HIRA: variants seen among roughly 807,000 people sequenced by gnomAD.
HIRA encodes histone cell cycle regulator.
Under a neutral mutation model 126.6 loss-of-function variants are expected in HIRA, and 13 were observed. The ratio of observed to expected loss-of-function variants is 0.10; its 90% CI spans 0.07 to 0.16. The LOEUF (loss-of-function observed/expected upper bound fraction) is 0.16. Among genes scored for constraint, HIRA ranks in the 10% least tolerant of loss-of-function variants. The pLI is 1.00. For missense variants in HIRA, 834 were observed against 1,314.4 expected (o/e 0.63, Z 5.65); for synonymous variants, 511 against 520.0 (o/e 0.98, Z 0.24).
intron 2 of HIRA, 135 bp downstream of exon 2, chr22:19,410,581 T>C: frequency 1.4e-6 from 1 of 701,558 alleles, no homozygotes. Flanking sequence ...TAACACATTA[T>C]AACTGTACAT....
At chr22:19,376,701 G>A (rs1569300230) in intron 14 of HIRA, among the ~76,000 whole-genome samples, 1 of 152,218 alleles carries the variant, frequency 6.6e-6, no homozygotes, top group African/African-American at 2.4e-5. Context: ...GTGACCTAAT[G>A]TTTGGGCATG....
intron 15 of HIRA, among the ~76,000 whole-genome samples, chr22:19,369,804 C>A (rs940536930): frequency 2.0e-5 from 3 of 152,102 alleles, no homozygotes; most frequent in African/African-American, 7.2e-5. Context: ...TCATGGCATA[C>A]ACCTGTAATC....
chr22:19,369,195 C>T (rs746807511), intron 15 of HIRA, among the ~76,000 whole-genome samples: 3 of 152,132 alleles, frequency 2.0e-5, no homozygotes, highest in Non-Finnish European at 4.4e-5. Flanking sequence ...GTGCTTCTGC[C>T]TGACACCTGG....
intron 11 of HIRA, 104 bp from the exon 12 acceptor site, chr22:19,385,840 G>A: frequency 8.8e-7 from 1 of 1,130,032 alleles, no homozygotes; most frequent in Non-Finnish European, 1.3e-6. Flanking sequence ...GCTCTGAGTG[G>A]AGAAGGGACC....
intron 13 of HIRA, among the ~76,000 whole-genome samples, chr22:19,383,393 G>A (rs997721369): frequency 6.6e-6 from 1 of 152,168 alleles, no homozygotes; most frequent in African/African-American, 2.4e-5. Context: ...AGATGTGCTG[G>A]CCGCCTTAGC....
At position 19,359,497 on chromosome 22, in the gene HIRA, AAC is replaced by A. The variant is rs2088844514; in HGVS notation, c.2086-15_2086-14del. ...GATCGGAGCTGACCTGGATGAAGTA[AAC>A]ACACGGGTCTGCTCAGACAAGGGCC... is the stretch of plus-strand genomic sequence containing the variant. On this transcript the variant is annotated splice_polypyrimidine_tract_variant and intron_variant, in intron 17 of 24. Transcript: ENST00000263208. 1.3e-6 allele frequency: 2 copies of A among 1,594,188 alleles called. No homozygotes were observed. Among genetic ancestry groups the A allele is most frequent in the East Asian group, 2.3e-5 (1 of 43,316 alleles).
intron 16 of HIRA, among the ~76,000 whole-genome samples, 172 bp downstream of exon 16, chr22:19,361,555 G>C (rs1296367197): frequency 2.0e-5 from 3 of 152,192 alleles, no homozygotes; most frequent in Non-Finnish European, 4.4e-5. Context: ...TGAGTCAAGG[G>C]CACATCTGAG....
chr22:19,417,806 A>C (rs1311481600), intron 1 of HIRA, among the ~76,000 whole-genome samples: 3 of 152,252 alleles, frequency 2.0e-5, no homozygotes, highest in Admixed American at 2.0e-4. Context: ...CCATGTTCAT[A>C]GCAGTACTAT....
At chr22:19,398,899 G>A (rs1374021866) in intron 5 of HIRA, among the ~76,000 whole-genome samples, 2 of 152,128 alleles carry the variant, frequency 1.3e-5, no homozygotes. Flanking sequence ...AGCCCAGGGA[G>A]GTTAAGGCTG....
chr22:19,407,146 C>G (rs745547295), intron 4 of HIRA, 38 bp downstream of exon 4: 33 of 1,537,778 alleles, frequency 2.1e-5, no homozygotes, highest in Non-Finnish European at 2.9e-5. Flanking sequence ...AAAGCAGCTT[C>G]TAAAAATAAA....
intron 4 of HIRA, among the ~76,000 whole-genome samples, 189 bp from the exon 5 acceptor site, chr22:19,406,069 C>T (rs2089305684): frequency 1.3e-5 from 2 of 152,172 alleles, no homozygotes; most frequent in African/African-American, 4.8e-5. Flanking sequence ...TGAAATACTA[C>T]ACAGCCATTA....
chr22:19,347,920 C>G (rs1176549399), intron 24 of HIRA, among the ~76,000 whole-genome samples: 2 of 152,186 alleles, frequency 1.3e-5, no homozygotes, highest in African/African-American at 4.8e-5. Flanking sequence ...GCCCGGGTGA[C>G]AGAGCGAGAC....
intron 5 of HIRA, among the ~76,000 whole-genome samples, chr22:19,400,439 T>C (rs1246519811): frequency 6.6e-6 from 1 of 152,214 alleles, no homozygotes; most frequent in Admixed American, 6.5e-5. Flanking sequence ...TTCTTAGGTA[T>C]ACTGTAGCCT....
chr22:19,367,138 C>A lies in HIRA; in HGVS notation c.1776-5207G>T, dbSNP rs1483702118. Among the ~76,000 whole-genome samples the A allele has an allele frequency of 2.0e-5, 3 of 152,130 alleles. No individual in the cohort carries two copies. The East Asian group carries it at 5.8e-4, about 29-fold the overall frequency. ...TTGGTACTAATGCCTCCTTTCATTT[C>A]TGATTGTATTTATTTATATACTAAT... On this transcript the variant is annotated intron_variant, in intron 15 of 24. Coordinates refer to ENST00000263208, the MANE Select transcript of HIRA (RefSeq NM_003325.4).
intron 14 of HIRA, 45 bp downstream of exon 14, chr22:19,377,824 C>T: frequency 6.7e-7 from 1 of 1,499,220 alleles, no homozygotes; most frequent in East Asian, 2.4e-5. Context: ...ATGTGCAAAC[C>T]TGAACTTTCC....
chr22:19,344,457 A>G (rs1231165462), intron 24 of HIRA, among the ~76,000 whole-genome samples: 1 of 152,192 alleles, frequency 6.6e-6, no homozygotes, highest in Admixed American at 6.5e-5. Context: ...ACTGGCTCAT[A>G]AAGAAATTAA....
chr22:19,405,950 G>T, intron 4 of HIRA, 70 bp from the exon 5 acceptor site: 1 of 1,033,034 alleles, frequency 9.7e-7, no homozygotes, highest in Non-Finnish European at 1.3e-6. Context: ...GCTCCCTGCA[G>T]CCAGCTTATC....
chr22:19,359,253 C>T lies in HIRA; in HGVS notation c.2234+83G>A, dbSNP rs930972860. 8 of 1,384,998 alleles carry T rather than the reference C, an allele frequency of 5.8e-6. No individual in the cohort carries two copies. The African/African-American group carries it at 9.0e-5, about 16-fold the overall frequency. 85.8% of individuals were successfully genotyped at this position (1,384,998 alleles called of 1,614,324 possible). Reference sequence around the variant, plus strand: ...GAGCTGGTGCTCCCAGGGTCATGCACCTCCCCTAGACAGGCCCAGGCCCAG... The same window carrying T: ...GAGCTGGTGCTCCCAGGGTCATGCATCTCCCCTAGACAGGCCCAGGCCCAG... On this transcript the variant is annotated intron_variant, in intron 18 of 24. Coordinates refer to ENST00000263208, the MANE Select transcript of HIRA (RefSeq NM_003325.4).
chr22:19,407,141 A>G (rs1036256671), intron 4 of HIRA, 43 bp downstream of exon 4: 4 of 1,488,944 alleles, frequency 2.7e-6, no homozygotes, highest in Non-Finnish European at 3.8e-6. Context: ...CCAGCAAAGC[A>G]GCTTCTAAAA....
Sources: allele counts gnomAD v4.1 joint callset (sites outside exome capture counted in the v4.1 genomes callset), GRCh38; gene constraint gnomAD v4.1.1; transcripts MANE v1.5; gene names NCBI Gene and HGNC (gene_info 2026-07-23, HGNC 2026-07-21).